The following NSD3 variants were observed in gnomAD, a reference collection of about 807,000 sequenced individuals.
NSD3 encodes the protein nuclear receptor binding SET domain protein 3.
NSD3 carries 24 observed loss-of-function variants against 160.8 expected under a neutral mutation model. The observed-to-expected ratio is 0.15, with a 90% CI of 0.11 to 0.21. The LOEUF (loss-of-function observed/expected upper bound fraction) is 0.21, where lower values mean the gene tolerates loss of function less well. Among genes scored for constraint, NSD3 ranks in the 10% least tolerant of loss-of-function variants. The probability of loss-of-function intolerance (pLI) is 1.00; values close to 1 mark genes in which losing one functional copy is unlikely to be tolerated. For missense variants in NSD3, 1,157 were observed against 1,735.9 expected, an observed-to-expected ratio of 0.67 and a Z score of 5.93; for synonymous variants, 520 against 600.0, an observed-to-expected ratio of 0.87 and a Z score of 1.95.
At chr8:38,342,071 T>C (rs373629517) in intron 2 of NSD3, among the ~76,000 whole-genome samples, 10 of 152,324 alleles carry the variant, frequency 6.6e-5, no homozygotes, top group African/African-American at 2.2e-4. Context: ...ACCATCAAAA[T>C]CACTTTCAAA....
At chr8:38,344,703 G>C (rs757645681) in intron 2 of NSD3, among the ~76,000 whole-genome samples, 4 of 152,158 alleles carry the variant, frequency 2.6e-5, no homozygotes, top group Non-Finnish European at 5.9e-5. Context: ...AGCAAATCCA[G>C]CTCCAGGAGA....
intron 16 of NSD3, among the ~76,000 whole-genome samples, chr8:38,293,953 A>AAG (rs1563345257): frequency 7.5e-5 from 11 of 145,770 alleles, no homozygotes; most frequent in East Asian, 2.0e-4. Flanking sequence ...AAAAAAAAAA[A>AAG]AGAGAAATAT....
chr8:38,300,227 T>A (rs1483154998), intron 14 of NSD3, among the ~76,000 whole-genome samples: 1 of 152,164 alleles, frequency 6.6e-6, no homozygotes, highest in Non-Finnish European at 1.5e-5. Flanking sequence ...AGTGGTGTGA[T>A]CATGGCTCAT....
chr8:38,359,263 T>C (rs1292913382), intron 1 of NSD3, among the ~76,000 whole-genome samples: 1 of 152,174 alleles, frequency 6.6e-6, no homozygotes, highest in Non-Finnish European at 1.5e-5. Context: ...AAGCCCCTCA[T>C]CCCTTTTTGA....
chr8:38,315,793 T>C, intron 10 of NSD3, 119 bp downstream of exon 10: 1 of 1,425,464 alleles, frequency 7.0e-7, no homozygotes, highest in Non-Finnish European at 9.4e-7. Context: ...ACACTCAAAA[T>C]AAACAAAGTG....
intron 1 of NSD3, among the ~76,000 whole-genome samples, chr8:38,369,941 T>A (rs1034937880): frequency 2.6e-5 from 4 of 152,028 alleles, no homozygotes; most frequent in Admixed American, 2.6e-4. Context: ...ACTACACGCG[T>A]GCACCACAAC....
At chr8:38,301,494 C>T (rs998060055) in intron 14 of NSD3, among the ~76,000 whole-genome samples, 1 of 152,156 alleles carries the variant, frequency 6.6e-6, no homozygotes, top group Non-Finnish European at 1.5e-5. Context: ...GCAGGAGAAT[C>T]GCTTGAACCC....
chr8:38,321,548 A>G lies in NSD3; in HGVS notation c.1709-376T>C, dbSNP rs1809795666. On this transcript the variant is annotated intron_variant, in intron 7 of 23. Coordinates refer to ENST00000317025, the MANE Select transcript of NSD3 (RefSeq NM_023034.2). This position sits in a 1 kb window ranked among gnomAD's most constrained non-coding sequence, Gnocchi z 4.7. ...TGCATAAAAATAAACTTTATTATCC[A>G]CCTGATGTTAGAAATTATTGGTTCA... 6.6e-6 allele frequency among the ~76,000 whole-genome samples: 1 copy of G among 152,252 alleles called. No homozygotes were observed. The highest frequency in any genetic ancestry group is 2.1e-4 in the South Asian group (1 of 4,830).
At chr8:38,313,042 C>T (rs556952819) in intron 12 of NSD3, among the ~76,000 whole-genome samples, 89 of 152,330 alleles carry the variant, frequency 5.8e-4, no homozygotes, top group African/African-American at 2.0e-3. Flanking sequence ...CCAAATAAAA[C>T]GATGTGCAGA....
chr8:38,359,310 T>A lies in NSD3; in HGVS notation c.-44-11095A>T, dbSNP rs923359369. ...CATATTTTTAAAGGACCCAAACACA[T>A]ACCTTTAGAAATCAGCAAAACCAAA... is the stretch of plus-strand genomic sequence containing the variant. On this transcript the variant is annotated intron_variant, in intron 1 of 23. Transcript: ENST00000317025. 5.9e-5 allele frequency among the ~76,000 whole-genome samples: 9 copies of A among 152,298 alleles called. 1 individual carries two copies. The highest frequency in any genetic ancestry group is 2.0e-4 in the Admixed American group (3 of 15,298).
chr8:38,289,266 A>G (rs1206840045), intron 18 of NSD3, 127 bp downstream of exon 18: 1 of 872,592 alleles, frequency 1.1e-6, no homozygotes, highest in Non-Finnish European at 1.8e-6. Context: ...CACAAGTCAA[A>G]GAGGGTCTTT....
rs1334679425 is a variant in NSD3 at position 38,270,138 on chromosome 8, T to C, written c.*5503A>G. 1 of 152,202 alleles carries C rather than the reference T, an allele frequency of 6.6e-6. No homozygotes were observed. The highest frequency in any genetic ancestry group is 1.5e-5 in the Non-Finnish European group (1 of 68,030). 9.4% of individuals were successfully genotyped at this position (152,202 alleles called of 1,614,324 possible). A position where few individuals can be genotyped will look rare whatever the true frequency, so the allele number is the denominator to read the frequency against. On this transcript the variant is annotated 3_prime_UTR_variant, in exon 24 of 24. Transcript: ENST00000317025. ...CCCAGGGAAAATTAACACTAATCCC[T>C]TAGTGTCAAGAGCTTCTAGCCAAGT...
At chr8:38,342,331 AC>A (rs1585904610) in intron 2 of NSD3, among the ~76,000 whole-genome samples, 1 of 152,190 alleles carries the variant, frequency 6.6e-6, no homozygotes, top group East Asian at 1.9e-4. Flanking sequence ...GGACAGAGAT[AC>A]CCTCTTTGGG....
rs373616580 is a variant in NSD3 at position 38,343,795 on chromosome 8, T to C, written c.675+3702A>G. 2.8e-4 allele frequency among the ~76,000 whole-genome samples: 43 copies of C among 152,352 alleles called. No homozygotes were observed. In the South Asian group the frequency reaches 8.9e-3, roughly 32 times the overall value. On this transcript the variant is annotated intron_variant, in intron 2 of 23. Transcript: ENST00000317025. ...CTAAGAATTTTAAGGCCTAATACTC[T>C]GAGGCTAGAGAACCAAACCTGCTAC...
chr8:38,358,557 A>AT (rs1314983509), intron 1 of NSD3, among the ~76,000 whole-genome samples: 6 of 152,040 alleles, frequency 3.9e-5, no homozygotes, highest in African/African-American at 1.2e-4. Flanking sequence ...ATTTAAAAAA[A>AT]TTTTTTTTAA....
intron 1 of NSD3, among the ~76,000 whole-genome samples, chr8:38,349,040 C>G (rs1210352315): frequency 1.3e-5 from 2 of 152,160 alleles, no homozygotes; most frequent in South Asian, 2.1e-4. Flanking sequence ...CCAAGACAAC[C>G]ACTATAAACA....
chr8:38,279,547 A>G lies in NSD3; in HGVS notation c.3753T>C (p.Ile1251=), dbSNP rs1261441597. Residue 1251 remains isoleucine (I), a synonymous_variant, in exon 21 of 24, where the codon ATT becomes ATC. Transcript: ENST00000317025. The part of the protein sequence containing the change: ...VRVGLFALCD[I]PAGMELTFNY... ...AACGAGTCACTTTTTTACCTGCAGG[A>G]ATATCACAGAGAGCAAATAGTCCCA... 6.2e-7 allele frequency: 1 copy of G among 1,613,848 alleles called. No homozygotes were observed. Among genetic ancestry groups the G allele is most frequent in the Non-Finnish European group, 8.5e-7 (1 of 1,179,798 alleles).
intron 19 of NSD3, among the ~76,000 whole-genome samples, chr8:38,281,894 G>T (rs993354719): frequency 5.9e-5 from 9 of 152,178 alleles, no homozygotes; most frequent in Admixed American, 2.0e-4. Flanking sequence ...TATTATAACA[G>T]AATTTTACTA....
intron 1 of NSD3, among the ~76,000 whole-genome samples, chr8:38,359,689 G>A (rs1482086118): frequency 1.3e-5 from 2 of 152,210 alleles, no homozygotes; most frequent in Non-Finnish European, 2.9e-5. Context: ...ATTTGGTACA[G>A]TGACTATACA....
Sources: allele counts gnomAD v4.1 joint callset (sites outside exome capture counted in the v4.1 genomes callset), GRCh38; gene constraint gnomAD v4.1.1; non-coding constraint Gnocchi (gnomAD v3.1); transcripts MANE v1.5; gene names NCBI Gene and HGNC (gene_info 2026-07-23, HGNC 2026-07-21).